The following EPHB2 variants were observed in gnomAD, a reference collection of about 807,000 sequenced individuals.
EPHB2 encodes ephrin type-B receptor 2.
A neutral mutation model predicts 96.4 loss-of-function variants in EPHB2; 18 were observed. The ratio of observed to expected loss-of-function variants is 0.19; its 90% CI spans 0.13 to 0.28. The LOEUF is 0.28. EPHB2 is among the 10% of genes least tolerant of loss of function. The probability of loss-of-function intolerance (pLI) is 1.00; values close to 1 mark genes in which losing one functional copy is unlikely to be tolerated. For synonymous variants in EPHB2, 506 were observed against 534.1 expected (o/e 0.95, Z 0.72); for missense variants, 989 against 1,355.4 (o/e 0.73, Z 4.25).
chr1:22,866,578 G>T (rs1351224615), intron 5 of EPHB2, among the ~76,000 whole-genome samples: 1 of 152,026 alleles, frequency 6.6e-6, no homozygotes, highest in Non-Finnish European at 1.5e-5. Context: ...GAATGTTGAA[G>T]GGAACAATAG....
intron 5 of EPHB2, 120 bp from the exon 6 acceptor site, chr1:22,882,239 C>G (rs1639070745): frequency 6.5e-7 from 1 of 1,537,392 alleles, no homozygotes; most frequent in African/African-American, 1.4e-5. Context: ...GTGGCCTCAG[C>G]CAGATGCCCT....
At chr1:22,795,415 G>A (rs1388744002) in intron 3 of EPHB2, among the ~76,000 whole-genome samples, 1 of 152,128 alleles carries the variant, frequency 6.6e-6, no homozygotes, top group Non-Finnish European at 1.5e-5. Context: ...CAAAACTCAG[G>A]CCTCCTGAAA....
intron 5 of EPHB2, among the ~76,000 whole-genome samples, chr1:22,866,072 G>A (rs963216841): frequency 1.3e-5 from 2 of 152,090 alleles, no homozygotes; most frequent in African/African-American, 4.8e-5. Context: ...TGTCATAGGA[G>A]GCTAAGTCCT....
chr1:22,765,858 G>C (rs532037110), intron 1 of EPHB2, among the ~76,000 whole-genome samples: 1 of 152,126 alleles, frequency 6.6e-6, no homozygotes, highest in African/African-American at 2.4e-5. Flanking sequence ...CTGGGAACCC[G>C]CCACTGGCCA....
At chr1:22,714,778 G>A (rs1023090729) in intron 1 of EPHB2, among the ~76,000 whole-genome samples, 1 of 152,190 alleles carries the variant, frequency 6.6e-6, no homozygotes, top group Non-Finnish European at 1.5e-5. Flanking sequence ...TAGACTGTGA[G>A]CTCCCTGAAG....
intron 4 of EPHB2, among the ~76,000 whole-genome samples, chr1:22,864,642 C>T (rs931115508): frequency 5.3e-5 from 8 of 152,198 alleles, no homozygotes; most frequent in African/African-American, 1.9e-4. Flanking sequence ...CGCAAAAATA[C>T]TATCCTCAGT....
chr1:22,716,675 A>G (rs1643303302), intron 1 of EPHB2, among the ~76,000 whole-genome samples: 1 of 152,176 alleles, frequency 6.6e-6, no homozygotes, highest in Non-Finnish European at 1.5e-5. Context: ...CTGGGCATTC[A>G]GCCCGTGGTA....
At chr1:22,714,038 G>A (rs190244691) in intron 1 of EPHB2, among the ~76,000 whole-genome samples, 1 of 152,224 alleles carries the variant, frequency 6.6e-6, no homozygotes, top group Non-Finnish European at 1.5e-5. Context: ...CAAAGGTCAA[G>A]GTCTCAAGAA....
intron 1 of EPHB2, among the ~76,000 whole-genome samples, chr1:22,736,623 G>A (rs1010956231): frequency 3.9e-5 from 6 of 152,198 alleles, no homozygotes; most frequent in African/African-American, 1.4e-4. Context: ...GCTTCAGCAC[G>A]AGGCCCTTTG....
chr1:22,798,001 G>A (rs1644791687), intron 3 of EPHB2, among the ~76,000 whole-genome samples: 1 of 152,008 alleles, frequency 6.6e-6, no homozygotes, highest in Admixed American at 6.6e-5. Flanking sequence ...AATCACCATC[G>A]TCCTAATCAC....
rs1458572828 is a variant in EPHB2, at chr1:22,768,198, A to G, written c.62-13223A>G. Among the ~76,000 whole-genome samples, 3 of 152,306 alleles carry G rather than the reference A, an allele frequency of 2.0e-5. 1 individual carries two copies. The East Asian group carries it at 5.8e-4, about 29-fold the overall frequency. On this transcript the variant is annotated intron_variant, in intron 1 of 15. Transcript: ENST00000374630. ...AGGGCTTTGGAGCCATCAGACCTAAAGTGGAATCTCTTCTCTGCTCCTGAC... is the reference window on the plus strand; with the variant it reads ...AGGGCTTTGGAGCCATCAGACCTAAGGTGGAATCTCTTCTCTGCTCCTGAC...
intron 3 of EPHB2, among the ~76,000 whole-genome samples, chr1:22,793,716 T>C (rs541170547): frequency 1.3e-5 from 2 of 152,264 alleles, no homozygotes; most frequent in African/African-American, 4.8e-5. Context: ...AGGTGCCACC[T>C]GTGTGTCCCG....
At chr1:22,745,545 A>T (rs181439022) in intron 1 of EPHB2, among the ~76,000 whole-genome samples, 2 of 152,336 alleles carry the variant, frequency 1.3e-5, no homozygotes, top group East Asian at 1.9e-4. Context: ...TAAGATCTGC[A>T]TGCTTTACTG....
intron 1 of EPHB2, among the ~76,000 whole-genome samples, chr1:22,766,474 A>G (rs1644309013): frequency 6.6e-6 from 1 of 152,166 alleles, no homozygotes; most frequent in Non-Finnish European, 1.5e-5. Context: ...AGGGGCAATG[A>G]TGATTGTGGT....
chr1:22,872,167 G>T (rs1474823111), intron 5 of EPHB2, among the ~76,000 whole-genome samples: 1 of 152,136 alleles, frequency 6.6e-6, no homozygotes, highest in African/African-American at 2.4e-5. Context: ...TGGGAGTGAG[G>T]CCTCTCTCCC....
intron 3 of EPHB2, among the ~76,000 whole-genome samples, chr1:22,792,621 C>T (rs913423825): frequency 6.6e-6 from 1 of 152,204 alleles, no homozygotes; most frequent in African/African-American, 2.4e-5. Flanking sequence ...TACATCCATC[C>T]ATCAGACATC....
At position 22,710,883 on chromosome 1, in the gene EPHB2, C is replaced by G. The variant is rs1643116281; in HGVS notation, c.-100C>G. On this transcript the variant is annotated 5_prime_UTR_variant, in exon 1 of 16. Transcript: ENST00000374630. ...GGCGGCGGCTGTGTGTGCGCCGCGC[C>G]TTGCCGCCCCCCCTGGCCCCCCGAG... is the stretch of plus-strand genomic sequence containing the variant. 6.8e-6 allele frequency: 1 copy of G among 146,156 alleles called. No individual in the cohort carries two copies. Among genetic ancestry groups the G allele is most frequent in the South Asian group, 2.0e-4 (1 of 4,970 alleles). 9.1% of individuals were successfully genotyped at this position (146,156 alleles called of 1,614,324 possible).
At chr1:22,739,173 T>C (rs900499788) in intron 1 of EPHB2, among the ~76,000 whole-genome samples, 1 of 152,094 alleles carries the variant, frequency 6.6e-6, no homozygotes, top group Non-Finnish European at 1.5e-5. Flanking sequence ...TCCAAGTATA[T>C]GGGATTACAG....
intron 3 of EPHB2, among the ~76,000 whole-genome samples, chr1:22,841,587 G>A (rs914503312): frequency 1.2e-4 from 19 of 152,314 alleles, no homozygotes; most frequent in Admixed American, 3.9e-4. Context: ...GGGGGTGGAA[G>A]GCATGCACGT....
Sources: allele counts gnomAD v4.1 joint callset (sites outside exome capture counted in the v4.1 genomes callset), GRCh38; gene constraint gnomAD v4.1.1; transcripts MANE v1.5; gene names NCBI Gene and HGNC (gene_info 2026-07-23, HGNC 2026-07-21).